NXT1: variants seen among roughly 807,000 people sequenced by gnomAD.
The protein encoded by NXT1 is NTF2-related export protein 1.
A neutral mutation model predicts 9.9 loss-of-function variants in NXT1; 3 were observed. The observed-to-expected ratio is 0.30, with a 90% CI of 0.14 to 0.79. The LOEUF (loss-of-function observed/expected upper bound fraction) is 0.79. Ranked by LOEUF, NXT1 falls within the 30% of genes least tolerant of loss-of-function variation. The pLI, the probability that NXT1 is intolerant of heterozygous loss-of-function variation, is 0.63. For missense variants in NXT1, 91 were observed against 178.2 expected, an observed-to-expected ratio of 0.51 and a Z score of 2.79; for synonymous variants, 53 against 66.5, an observed-to-expected ratio of 0.80 and a Z score of 0.99.
At position 23,351,775 on chromosome 20, in the gene NXT1, A is replaced by G. The variant is rs1031316499; in HGVS notation, c.-62+714A>G. ...GTACAAGGACAGCGTTGTATTGACAAAATTTCAGCCCTCAGTCTAGTCTTG... is the reference window on the plus strand; with the variant it reads ...GTACAAGGACAGCGTTGTATTGACAGAATTTCAGCCCTCAGTCTAGTCTTG... On this transcript the variant is annotated intron_variant, in intron 1 of 1. Coordinates refer to ENST00000254998, the MANE Select transcript of NXT1 (RefSeq NM_013248.3). Among the ~76,000 whole-genome samples, 5 of 152,324 alleles carry G rather than the reference A, an allele frequency of 3.3e-5. No individual in the cohort carries two copies. In the East Asian group the frequency reaches 7.7e-4, roughly 23 times the overall value.
Position 23,354,491 on chromosome 20 carries a change from C to A in NXT1, c.*27C>A. 1 of 1,598,680 alleles carries A rather than the reference C, an allele frequency of 6.3e-7. No homozygotes were observed. Among genetic ancestry groups the A allele is most frequent in the Non-Finnish European group, 8.5e-7 (1 of 1,172,076 alleles). ...GGGGGTGGCAGAGGTCTCTTTGCTTCATTCAGCCCTAGCTCTGTAGAGAAA... is the reference window on the plus strand; with the variant it reads ...GGGGGTGGCAGAGGTCTCTTTGCTTAATTCAGCCCTAGCTCTGTAGAGAAA... On this transcript the variant is annotated 3_prime_UTR_variant, in exon 2 of 2. Transcript: ENST00000254998.
chr20:23,353,578 C>T (rs564100588), intron 1 of NXT1, among the ~76,000 whole-genome samples: 2 of 152,298 alleles, frequency 1.3e-5, no homozygotes, highest in Non-Finnish European at 2.9e-5. Flanking sequence ...CGAGGTCGCG[C>T]CACTGCACTC....
intron 1 of NXT1, 119 bp downstream of exon 1, chr20:23,351,180 C>G (rs368233997): frequency 6.6e-6 from 1 of 152,242 alleles, no homozygotes; most frequent in Non-Finnish European, 1.5e-5. Flanking sequence ...GTAGAGTTGC[C>G]GCCGCGGTGA....
At chr20:23,352,526 T>C (rs1007497384) in intron 1 of NXT1, among the ~76,000 whole-genome samples, 1 of 145,086 alleles carries the variant, frequency 6.9e-6, no homozygotes, top group Non-Finnish European at 1.5e-5. Flanking sequence ...AAAAAAAAAG[T>C]CTTTTTTTTG....
At chr20:23,353,091 C>T (rs1175729218) in intron 1 of NXT1, among the ~76,000 whole-genome samples, 2 of 152,198 alleles carry the variant, frequency 1.3e-5, no homozygotes, top group African/African-American at 2.4e-5. Flanking sequence ...TTTATTGGGC[C>T]AGTGACCACT....
intron 1 of NXT1, among the ~76,000 whole-genome samples, chr20:23,353,019 G>A (rs1399525965): frequency 6.6e-6 from 1 of 152,146 alleles, no homozygotes; most frequent in Non-Finnish European, 1.5e-5. Flanking sequence ...CCTCCTGAGT[G>A]AGCTCATGAT....
rs763292248 is a variant in NXT1, at chr20:23,354,190, A to G, written c.149A>G (p.Asn50Ser). Residue 50 changes from asparagine to serine, a missense_variant, in exon 2 of 2, where the codon AAT becomes AGT. Physicochemically the swap from Asn to Ser is conservative, Grantham distance 46. Coordinates refer to ENST00000254998, the MANE Select transcript of NXT1 (RefSeq NM_013248.3). Reference sequence around the variant, plus strand: ...ACAGCCACCCTGGTCTGGAATGGCAATGCTGTTTCAGGACAAGAATCCTTG... The same window carrying G: ...ACAGCCACCCTGGTCTGGAATGGCAGTGCTGTTTCAGGACAAGAATCCTTG... ...MGTATLVWNG[N>S]AVSGQESLSE... 26 of 1,614,214 alleles carry G rather than the reference A, an allele frequency of 1.6e-5. No individual in the cohort carries two copies. Among genetic ancestry groups the G allele is most frequent in the Middle Eastern group, 1.6e-4 (1 of 6,062 alleles).
At position 23,354,608 on chromosome 20, in the gene NXT1, CTT is replaced by C. The variant is rs1241848809; in HGVS notation, c.*149_*150del. The C allele has an allele frequency of 6.6e-6, 6 of 912,046 alleles. No individual in the cohort carries two copies. Among genetic ancestry groups the C allele is most frequent in the South Asian group, 1.8e-5 (1 of 54,482 alleles). 56.5% of individuals were successfully genotyped at this position (912,046 alleles called of 1,614,324 possible). On this transcript the variant is annotated 3_prime_UTR_variant, in exon 2 of 2. Transcript: ENST00000254998. ...GACTCCACTGTGCCGAGGTTGAACT[CTT>C]TTTTGTTGCTCAAGTTCTAGGAGTC...
At chr20:23,351,884 T>C (rs985997017) in intron 1 of NXT1, among the ~76,000 whole-genome samples, 2 of 152,250 alleles carry the variant, frequency 1.3e-5, no homozygotes, top group Non-Finnish European at 2.9e-5. Context: ...AAAATTGTTA[T>C]AGTAATACCT....
intron 1 of NXT1, among the ~76,000 whole-genome samples, chr20:23,353,233 A>C (rs993785284): frequency 6.6e-6 from 1 of 152,238 alleles, no homozygotes; most frequent in Non-Finnish European, 1.5e-5. Context: ...TTCGTGGTCC[A>C]ATCAGGCCTC....
In NXT1 at chr20:23,354,070, T is replaced by G; in HGVS notation, c.29T>G (p.Val10Gly). Residue 10 changes from valine to glycine, a missense_variant, in exon 2 of 2, where the codon GTG (valine) becomes GGG (glycine). Physicochemically the swap from Val to Gly is moderately radical, Grantham distance 109 (BLOSUM62 -3). Transcript: ENST00000254998. MASVDFKTY[V>G]DQACRAAEEF... is the part of the protein sequence containing the mutation. Reference sequence around the variant, plus strand: ...GCATCTGTGGATTTCAAGACCTATGTGGATCAGGCCTGCAGAGCTGCTGAG... The same window carrying G: ...GCATCTGTGGATTTCAAGACCTATGGGGATCAGGCCTGCAGAGCTGCTGAG... 6.2e-7 allele frequency: 1 copy of G among 1,613,852 alleles called. No individual in the cohort carries two copies. The highest frequency in any genetic ancestry group is 8.5e-7 in the Non-Finnish European group (1 of 1,179,788).
At chr20:23,352,925 A>T (rs6048749) in intron 1 of NXT1, among the ~76,000 whole-genome samples, 13,561 of 152,026 alleles carry the variant, frequency 0.089, 1,491 homozygotes, top group African/African-American at 0.26. Context: ...TATCATGGGG[A>T]TTATGGCTGC....
intron 1 of NXT1, among the ~76,000 whole-genome samples, chr20:23,352,060 CT>C (rs997200259): frequency 2.6e-5 from 4 of 151,368 alleles, no homozygotes; most frequent in African/African-American, 9.7e-5. Flanking sequence ...CATGTAGAGG[CT>C]TTTTTTTTCT....
chr20:23,353,586 C>T (rs1263439523), intron 1 of NXT1, among the ~76,000 whole-genome samples: 1 of 152,196 alleles, frequency 6.6e-6, no homozygotes, highest in East Asian at 1.9e-4. Context: ...CGCCACTGCA[C>T]TCCAGCCTGG....
chr20:23,352,609 C>T (rs1051777835), intron 1 of NXT1, among the ~76,000 whole-genome samples: 2 of 150,090 alleles, frequency 1.3e-5, no homozygotes, highest in East Asian at 4.2e-4. Context: ...TTAGTAATGT[C>T]CTCTTTTTTT....
chr20:23,354,031 T>C lies in NXT1; in HGVS notation c.-11T>C, dbSNP rs1156745656. ...ATACCCTGGTGGAGCCCTCCTTCCA[T>C]AGAACCAGAGATGGCATCTGTGGAT... On this transcript the variant is annotated 5_prime_UTR_variant, in exon 2 of 2. Coordinates refer to ENST00000254998, the MANE Select transcript of NXT1 (RefSeq NM_013248.3). The C allele has an allele frequency of 1.2e-6, 2 of 1,605,792 alleles. No homozygotes were observed. Among genetic ancestry groups the C allele is most frequent in the East Asian group, 2.2e-5 (1 of 44,658 alleles).
intron 1 of NXT1, 193 bp downstream of exon 1, chr20:23,351,254 C>T (rs1980255878): frequency 1.3e-5 from 2 of 152,384 alleles, no homozygotes; most frequent in South Asian, 2.1e-4. Context: ...CGCGTCCCCT[C>T]ACAGCGCAGC....
In NXT1 at chr20:23,354,171, A is replaced by T; in HGVS notation, c.130A>T (p.Thr44Ser). Residue 44 changes from threonine to serine, a missense_variant, in exon 2 of 2, where the codon ACC becomes TCC. By Grantham distance (58) the Thr-to-Ser change is moderately conservative. Coordinates refer to ENST00000254998, the MANE Select transcript of NXT1 (RefSeq NM_013248.3). ...LLSRLYMGTA[T>S]LVWNGNAVSG... is the part of the protein sequence containing the mutation. ...GTCCCGCCTGTACATGGGCACAGCCACCCTGGTCTGGAATGGCAATGCTGT... is the reference window on the plus strand; with the variant it reads ...GTCCCGCCTGTACATGGGCACAGCCTCCCTGGTCTGGAATGGCAATGCTGT... The T allele has an allele frequency of 6.2e-7, 1 of 1,614,204 alleles. No homozygotes were observed. Among genetic ancestry groups the T allele is most frequent in the Non-Finnish European group, 8.5e-7 (1 of 1,180,046 alleles).
chr20:23,351,714 T>G (rs1217134156), intron 1 of NXT1, among the ~76,000 whole-genome samples: 1 of 152,150 alleles, frequency 6.6e-6, no homozygotes, highest in African/African-American at 2.4e-5. Context: ...ACTCTAGCAG[T>G]CCTGGAGTTG....
Sources: gnomAD v4.1 joint callset for allele counts (sites outside exome capture counted in the v4.1 genomes callset) on GRCh38, gnomAD v4.1.1 for gene constraint, MANE v1.5 for transcripts, NCBI Gene and HGNC (gene_info 2026-07-23, HGNC 2026-07-21) for gene names.